DOP1B: variants seen among roughly 807,000 people sequenced by gnomAD.
The protein encoded by DOP1B is protein DOP1B.
In DOP1B, 174 loss-of-function variants were observed where a neutral mutation model predicts 233.5. The observed-to-expected ratio is 0.75, with a 90% CI of 0.66 to 0.85. The LOEUF (loss-of-function observed/expected upper bound fraction) is 0.85. Among genes scored for constraint, DOP1B ranks in the 40% least tolerant of loss-of-function variants. The pLI is 0.00. For synonymous variants in DOP1B, 1,190 were observed against 1,185.6 expected (o/e 1.00, Z -0.08); for missense variants, 2,652 against 2,846.6 (o/e 0.93, Z 1.56).
chr21:36,282,700 G>T (rs2067431307), intron 32 of DOP1B, among the ~76,000 whole-genome samples: 1 of 151,998 alleles, frequency 6.6e-6, no homozygotes, highest in South Asian at 2.1e-4. Flanking sequence ...TGCTGACTGG[G>T]CACGGTGGCT....
At chr21:36,275,307 A>G (rs1025057550) in intron 27 of DOP1B, among the ~76,000 whole-genome samples, 1 of 152,252 alleles carries the variant, frequency 6.6e-6, no homozygotes, top group East Asian at 1.9e-4. Context: ...TTGTTATTTG[A>G]TAGGAGTCAG....
Position 36,293,345 on chromosome 21 carries a change from C to G in DOP1B, c.6671C>G (p.Thr2224Ser), listed in dbSNP as rs1426274211. 6 of 1,614,114 alleles carry G rather than the reference C, an allele frequency of 3.7e-6. No individual in the cohort carries two copies. The African/African-American group carries it at 4.0e-5, about 11-fold the overall frequency. Residue 2224 changes from threonine (T) to serine (S), a missense_variant, in exon 37 of 37, where the codon ACC becomes AGC. Coordinates refer to ENST00000691173, the MANE Select transcript of DOP1B (RefSeq NM_001320714.2). ...FGEISSSDEI[T>S]MKSEFPLLRQ... ...GAAATCAGTAGCTCTGATGAGATCACCATGAAGAGTGAATTCCCGCTTCTG... is the reference window on the plus strand; with the variant it reads ...GAAATCAGTAGCTCTGATGAGATCAGCATGAAGAGTGAATTCCCGCTTCTG...
chr21:36,171,931 T>A (rs2065974844), intron 2 of DOP1B, among the ~76,000 whole-genome samples: 1 of 152,206 alleles, frequency 6.6e-6, no homozygotes, highest in African/African-American at 2.4e-5. Flanking sequence ...GACTGTGTGA[T>A]GTCAGATGCT....
At chr21:36,257,825 G>A (rs1784464773) in intron 23 of DOP1B, among the ~76,000 whole-genome samples, 1 of 144,452 alleles carries the variant, frequency 6.9e-6, no homozygotes, top group African/African-American at 2.6e-5. Flanking sequence ...ATAGATGTAG[G>A]TAGGTAGGTA....
chr21:36,239,090 C>T (rs2066861398), intron 17 of DOP1B, among the ~76,000 whole-genome samples: 1 of 152,078 alleles, frequency 6.6e-6, no homozygotes, highest in Non-Finnish European at 1.5e-5. Flanking sequence ...GTGACAAGAG[C>T]GAAACTCCAT....
intron 1 of DOP1B, among the ~76,000 whole-genome samples, chr21:36,157,221 C>A (rs537528573): frequency 6.6e-6 from 1 of 151,058 alleles, no homozygotes; most frequent in South Asian, 2.1e-4. Context: ...CCGACCCTGG[C>A]GCGGAGGATA....
At chr21:36,199,600 T>C (rs887840427) in intron 3 of DOP1B, among the ~76,000 whole-genome samples, 13 of 150,584 alleles carry the variant, frequency 8.6e-5, no homozygotes, top group African/African-American at 3.2e-4. Context: ...CCCGACCCCA[T>C]GACAGGCCCC....
chr21:36,241,410 A>AC, intron 18 of DOP1B, among the ~76,000 whole-genome samples: 1 of 144,964 alleles, frequency 6.9e-6, no homozygotes, highest in East Asian at 2.1e-4. Context: ...AGCTCCAGAC[A>AC]CCCCCCTCTC....
rs533520456 is a variant in DOP1B, at chr21:36,219,301, T to G, written c.1130-71T>G. On this transcript the variant is annotated intron_variant, in intron 9 of 36. Coordinates refer to ENST00000691173, the MANE Select transcript of DOP1B (RefSeq NM_001320714.2). ...GTTTACTGTATATATGTCTTATGTATATACATATGTCACTTACTGATTTAA... is the reference window on the plus strand; with the variant it reads ...GTTTACTGTATATATGTCTTATGTAGATACATATGTCACTTACTGATTTAA... The G allele has an allele frequency of 6.9e-6, 11 of 1,583,176 alleles. No homozygotes were observed. The South Asian group carries it at 1.1e-4, about 16-fold the overall frequency.
rs1464617930 is a variant in DOP1B at position 36,278,081 on chromosome 21, A to G, written c.5819A>G (p.His1940Arg). ...TATGTTTTTCCATACTTACGCAACC[A>G]CAGGTAACGTCATCTTCGCCATTTC... The part of the protein sequence containing the change: ...LYYVFPYLRN[H>R]SAYNAPSFRA... Residue 1940 changes from histidine to arginine, a missense_variant, in exon 29 of 37, where the codon CAC becomes CGC. His to Arg is a conservative substitution (Grantham distance 29). Around this residue, in one of 3 missense-constraint regions of DOP1B, gnomAD observed 2,617 missense variants for 2,794.3 expected, o/e 0.94. Transcript: ENST00000691173. 6.2e-7 allele frequency: 1 copy of G among 1,613,564 alleles called. No individual in the cohort carries two copies. The highest frequency in any genetic ancestry group is 8.5e-7 in the Non-Finnish European group (1 of 1,179,612).
At chr21:36,286,639 AACACACACACACACACACACAC>A (rs3029064) in intron 32 of DOP1B, among the ~76,000 whole-genome samples, 1 of 146,458 alleles carries the variant, frequency 6.8e-6, no homozygotes, top group Non-Finnish European at 1.5e-5. Context: ...CCATCTCAAA[AACACACACACACACACACACAC>A]ACACACACAC....
chr21:36,169,290 GT>G, intron 2 of DOP1B: 1 of 803,240 alleles, frequency 1.2e-6, no homozygotes. Context: ...TTCTTGATCG[GT>G]TTGCTGTCCT....
In DOP1B at chr21:36,226,971, C is replaced by T. The variant is rs1019347883; in HGVS notation, c.1474-715C>T. ...CTGTAATCCCAGCACTTTGGGAGGC[C>T]GAGGTGGGCGGATCACAAGGTCAGG... On this transcript the variant is annotated intron_variant, in intron 12 of 36. Coordinates refer to ENST00000691173, the MANE Select transcript of DOP1B (RefSeq NM_001320714.2). Among the ~76,000 whole-genome samples the T allele has an allele frequency of 6.4e-4, 97 of 151,970 alleles. 1 individual carries two copies. Among genetic ancestry groups the T allele is most frequent in the Admixed American group, 3.0e-3 (45 of 15,250 alleles).
Position 36,270,198 on chromosome 21 carries a change from G to T in DOP1B, c.5632+41G>T, listed in dbSNP as rs149095152. 12 of 1,598,276 alleles carry T rather than the reference G, an allele frequency of 7.5e-6. No homozygotes were observed. In the African/African-American group the frequency reaches 1.2e-4, roughly 16 times the overall value. On this transcript the variant is annotated intron_variant, in intron 27 of 36. Coordinates refer to ENST00000691173, the MANE Select transcript of DOP1B (RefSeq NM_001320714.2). ...TTGGCTGATAGTGCCTCTGGTCAGC[G>T]CGTGGTTCTGGCTTTTCCTTAAGAG...
At chr21:36,194,016 A>G (rs2066261600) in intron 2 of DOP1B, among the ~76,000 whole-genome samples, 1 of 152,326 alleles carries the variant, frequency 6.6e-6, no homozygotes, top group South Asian at 2.1e-4. Context: ...TTTACAGATG[A>G]AACTTCAGCC....
At chr21:36,176,242 G>A (rs1224031921) in intron 2 of DOP1B, among the ~76,000 whole-genome samples, 4 of 152,054 alleles carry the variant, frequency 2.6e-5, no homozygotes, top group Admixed American at 2.6e-4. Context: ...GCATTGTGGG[G>A]GTATCCTACA....
At chr21:36,239,005 A>C (rs1171357391) in intron 17 of DOP1B, among the ~76,000 whole-genome samples, 1 of 152,134 alleles carries the variant, frequency 6.6e-6, no homozygotes, top group African/African-American at 2.4e-5. Context: ...TGGGATGGTG[A>C]GGCAGTAGAA....
chr21:36,270,578 A>AAAAG (rs2067277104), intron 27 of DOP1B, among the ~76,000 whole-genome samples: 1 of 144,542 alleles, frequency 6.9e-6, no homozygotes, highest in Non-Finnish European at 1.5e-5. Flanking sequence ...AAAAAAAAAA[A>AAAAG]GTATTTAGAG....
At chr21:36,175,547 C>G (rs1290886145) in intron 2 of DOP1B, among the ~76,000 whole-genome samples, 1 of 151,800 alleles carries the variant, frequency 6.6e-6, no homozygotes, top group Non-Finnish European at 1.5e-5. Flanking sequence ...ATCCCTTGGC[C>G]TATGGGAGGC....
Sources: allele counts gnomAD v4.1 joint callset (sites outside exome capture counted in the v4.1 genomes callset), GRCh38; gene constraint gnomAD v4.1.1; regional missense constraint gnomAD v4.1.1; transcripts MANE v1.5; gene names NCBI Gene and HGNC (gene_info 2026-07-23, HGNC 2026-07-21).